The following GSTCD variants were observed in gnomAD, a reference collection of about 807,000 sequenced individuals.
GSTCD encodes the protein glutathione S-transferase C-terminal domain containing, also known as glutathione S-transferase C-terminal domain-containing protein.
A neutral mutation model predicts 68.3 loss-of-function variants in GSTCD; 44 were observed. That is an observed-to-expected ratio of 0.64 (90% CI 0.51 to 0.83). GSTCD has a LOEUF of 0.83. Ranked by LOEUF, GSTCD falls within the 40% of genes least tolerant of loss-of-function variation. The pLI is 0.00. For synonymous variants in GSTCD, 273 were observed against 255.2 expected (o/e 1.07, Z -0.67); for missense variants, 739 against 735.9 (o/e 1.00, Z -0.05).
Position 105,717,900 on chromosome 4 carries a change from G to A in GSTCD, c.287G>A (p.Arg96Gln), listed in dbSNP as rs760887131. ...TGCTGTTTGCCTGCAGTAGTAGAAC[G>A]ATCAGACAATTTTTGTAGAGCAGGA... is the stretch of plus-strand genomic sequence containing the variant. ...QNCCLPAVVERSDNFCRAGLA... is the reference protein window; with the variant it reads ...QNCCLPAVVEQSDNFCRAGLA... Residue 96 changes from arginine to glutamine, a missense_variant, in exon 2 of 12, where the codon CGA becomes CAA. By Grantham distance (43) the Arg-to-Gln change is conservative (BLOSUM62 1). Transcript: ENST00000515279. 1.2e-5 allele frequency: 19 copies of A among 1,613,958 alleles called. No individual in the cohort carries two copies. Among genetic ancestry groups the A allele is most frequent in the Admixed American group, 1.0e-4 (6 of 59,974 alleles).
intron 5 of GSTCD, among the ~76,000 whole-genome samples, chr4:105,767,067 G>A (rs963615298): frequency 1.4e-4 from 22 of 151,934 alleles, no homozygotes; most frequent in African/African-American, 5.1e-4. Context: ...TGTTGAGAGT[G>A]ATTCCTGGCT....
intron 5 of GSTCD, among the ~76,000 whole-genome samples, chr4:105,755,945 A>ACATGGTTCCCACCACTGGC (rs1006783363): frequency 2.6e-5 from 4 of 152,206 alleles, no homozygotes; most frequent in Non-Finnish European, 5.9e-5. Context: ...TGATATGGGT[A>ACATGGTTCCCACCACTGGC]CATGGTTCCC....
At position 105,834,533 on chromosome 4, in the gene GSTCD, G is replaced by A. The variant is rs745737813; in HGVS notation, c.1603G>A (p.Val535Ile). 5.0e-6 allele frequency: 8 copies of A among 1,614,074 alleles called. No homozygotes were observed. Among genetic ancestry groups the A allele is most frequent in the East Asian group, 4.5e-5 (2 of 44,866 alleles). ...EHCIKTRASF[V>I]TCPCCYGFIQ... ...CTGTATCAAAACACGGGCTTCCTTC[G>A]TCACATGCCCTTGCTGTTATGGTTT... Residue 535 changes from valine (V) to isoleucine (I), a missense_variant, in exon 9 of 12, where the codon GTC (valine) becomes ATC (isoleucine). Coordinates refer to ENST00000515279, the MANE Select transcript of GSTCD (RefSeq NM_001370181.1).
At chr4:105,769,440 A>C (rs1288955489) in intron 5 of GSTCD, among the ~76,000 whole-genome samples, 1 of 152,158 alleles carries the variant, frequency 6.6e-6, no homozygotes. Flanking sequence ...TACAGCTGGA[A>C]GATGTGGTTT....
chr4:105,845,386 G>A (rs1724508033), intron 11 of GSTCD, 55 bp from the exon 12 acceptor site: 31 of 1,607,708 alleles, frequency 1.9e-5, no homozygotes, highest in Non-Finnish European at 2.5e-5. Flanking sequence ...TAAACAAACT[G>A]AAACTGTCCT....
intron 2 of GSTCD, among the ~76,000 whole-genome samples, chr4:105,718,590 C>CTAA (rs1732759573): frequency 6.6e-6 from 1 of 152,080 alleles, no homozygotes; most frequent in African/African-American, 2.4e-5. Context: ...TGCAAATGGG[C>CTAA]TAATATACCC....
At chr4:105,814,064 G>C (rs1392693515) in intron 5 of GSTCD, among the ~76,000 whole-genome samples, 1 of 152,220 alleles carries the variant, frequency 6.6e-6, no homozygotes, top group East Asian at 1.9e-4. Flanking sequence ...GAAAAAGAGG[G>C]AGATTCAAAA....
chr4:105,798,637 G>T (rs1486405741), intron 5 of GSTCD, among the ~76,000 whole-genome samples: 5 of 152,052 alleles, frequency 3.3e-5, no homozygotes, highest in Non-Finnish European at 7.4e-5. Flanking sequence ...CAAATGCATT[G>T]TCAATGAGTC....
chr4:105,752,909 C>T (rs1578437721), intron 5 of GSTCD, among the ~76,000 whole-genome samples: 3 of 152,024 alleles, frequency 2.0e-5, no homozygotes, highest in Non-Finnish European at 4.4e-5. Context: ...TCAATTCTCT[C>T]GTCAATTAGT....
At position 105,825,709 on chromosome 4, in the gene GSTCD, G is replaced by A. The variant is rs376690441; in HGVS notation, c.1439G>A (p.Arg480His). ...LIENKELSLIRAKKRSDELGL... is the reference protein window; with the variant it reads ...LIENKELSLIHAKKRSDELGL... ...GAAAACAAGGAATTATCATTAATTC[G>A]TGCTAAGAAGAGAAGTGATGAACTG... Residue 480 changes from arginine (R) to histidine (H), a missense_variant, in exon 8 of 12, where the codon CGT (arginine) becomes CAT (histidine). Transcript: ENST00000515279. 66 of 1,516,932 alleles carry A rather than the reference G, an allele frequency of 4.4e-5. No homozygotes were observed. The highest frequency in any genetic ancestry group is 2.3e-4 in the African/African-American group (17 of 72,862). The allele number at this position is 1,516,932 out of a possible 1,614,324, so 94.0% of individuals were successfully genotyped here.
intron 5 of GSTCD, among the ~76,000 whole-genome samples, chr4:105,742,627 T>C (rs1473883156): frequency 6.6e-6 from 1 of 152,188 alleles, no homozygotes; most frequent in African/African-American, 2.4e-5. Context: ...ATGTTAAATA[T>C]TTGCTCATAT....
At chr4:105,800,185 T>C (rs1736053822) in intron 5 of GSTCD, among the ~76,000 whole-genome samples, 1 of 152,094 alleles carries the variant, frequency 6.6e-6, no homozygotes. Flanking sequence ...GGCCTCACAA[T>C]TATGGTGGAA....
Position 105,771,723 on chromosome 4 carries a change from G to A in GSTCD, c.1240+42224G>A, listed in dbSNP as rs945258948. ...CTGAGGCCTCTGTTCTGTTCCATTC[G>A]TCTATATATCTGTTTTGGTACCAGT... is the stretch of plus-strand genomic sequence containing the variant. On this transcript the variant is annotated intron_variant, in intron 5 of 11. Coordinates refer to ENST00000515279, the MANE Select transcript of GSTCD (RefSeq NM_001370181.1). 3.3e-5 allele frequency among the ~76,000 whole-genome samples: 5 copies of A among 152,006 alleles called. No individual in the cohort carries two copies. In the South Asian group the frequency reaches 6.2e-4, roughly 19 times the overall value.
Position 105,717,914 on chromosome 4 carries a change from T to C in GSTCD, c.301T>C (p.Cys101Arg). The C allele has an allele frequency of 6.2e-7, 1 of 1,614,144 alleles. No individual in the cohort carries two copies. The highest frequency in any genetic ancestry group is 1.3e-5 in the African/African-American group (1 of 75,054). The change falls in exon 2 of 12, where the codon TGT becomes CGT. Residue 101 changes from cysteine to arginine, a missense_variant. Physicochemically the swap from Cys to Arg is radical, Grantham distance 180 (BLOSUM62 -3). Coordinates refer to ENST00000515279, the MANE Select transcript of GSTCD (RefSeq NM_001370181.1). The part of the protein sequence containing the change: ...PAVVERSDNF[C>R]RAGLAVVLRH... ...AGTAGTAGAACGATCAGACAATTTT[T>C]GTAGAGCAGGACTTGCTGTTGTATT...
At chr4:105,718,246 T>C (rs1427884420) in intron 2 of GSTCD, among the ~76,000 whole-genome samples, 1 of 152,190 alleles carries the variant, frequency 6.6e-6, no homozygotes, top group Non-Finnish European at 1.5e-5. Context: ...CCCAATGTTG[T>C]TGGAGGTGGG....
chr4:105,726,424 A>G (rs1560796373), intron 3 of GSTCD, among the ~76,000 whole-genome samples, 155 bp from the exon 4 acceptor site: 1 of 152,122 alleles, frequency 6.6e-6, no homozygotes, highest in African/African-American at 2.4e-5. Flanking sequence ...TAAGTGTTCT[A>G]AAACTAGATG....
chr4:105,781,165 A>T (rs1473532978), intron 5 of GSTCD, among the ~76,000 whole-genome samples: 1 of 152,240 alleles, frequency 6.6e-6, no homozygotes, highest in African/African-American at 2.4e-5. Flanking sequence ...AGGCATAAAC[A>T]GTGGAATATA....
chr4:105,808,779 C>T (rs560123716), intron 5 of GSTCD, among the ~76,000 whole-genome samples: 2 of 152,098 alleles, frequency 1.3e-5, no homozygotes, highest in Non-Finnish European at 2.9e-5. Context: ...AATAGCACAT[C>T]ATTCTAAGTA....
At chr4:105,827,968 G>C (rs1260588533) in intron 8 of GSTCD, among the ~76,000 whole-genome samples, 2 of 151,848 alleles carry the variant, frequency 1.3e-5, no homozygotes, top group Non-Finnish European at 2.9e-5. Context: ...TTTGCAAATA[G>C]TATTACATAA....
Sources: allele counts gnomAD v4.1 joint callset (sites outside exome capture counted in the v4.1 genomes callset), GRCh38; gene constraint gnomAD v4.1.1; transcripts MANE v1.5; gene names NCBI Gene and HGNC (gene_info 2026-07-23, HGNC 2026-07-21).